Variants in BTD observed in about 807,000 individuals in gnomAD.
BTD encodes biotinidase.
BTD carries 13 observed loss-of-function variants against 17.7 expected under a neutral mutation model. The ratio of observed to expected loss-of-function variants is 0.74; its 90% CI spans 0.48 to 1.17. The LOEUF is 1.17. Ranked by LOEUF, BTD falls within the 50% of genes most tolerant of loss-of-function variation. The pLI is 0.00. For missense variants in BTD, 674 were observed against 650.4 expected (o/e 1.04, Z -0.39); for synonymous variants, 240 against 245.2 (o/e 0.98, Z 0.20).
chr3:15,624,878 G>A (rs959120918), intron 1 of BTD, among the ~76,000 whole-genome samples: 2 of 152,048 alleles, frequency 1.3e-5, no homozygotes, highest in African/African-American at 2.4e-5. Context: ...GACTATAGGC[G>A]TGTGCCACCA....
intron 3 of BTD, among the ~76,000 whole-genome samples, chr3:15,662,190 A>G (rs2125542146): frequency 6.6e-6 from 1 of 152,360 alleles, no homozygotes; most frequent in East Asian, 1.9e-4. Context: ...TTGAGATTGC[A>G]CTGAATCTAT....
downstream of BTD, among the ~76,000 whole-genome samples, chr3:15,714,398 A>C (rs2072728952): frequency 6.6e-6 from 1 of 152,076 alleles, no homozygotes; most frequent in South Asian, 2.1e-4. Context: ...AGTATGAAAG[A>C]TACAGCTACG....
chr3:15,611,709 C>A (rs1166565304), intron 1 of BTD, among the ~76,000 whole-genome samples: 1 of 151,022 alleles, frequency 6.6e-6, no homozygotes, highest in Non-Finnish European at 1.5e-5. Flanking sequence ...ATCCAGGAGG[C>A]AGAGGTTGCA....
rs149879076 is a variant in BTD, at chr3:15,698,578, G to C, written c.400-11482G>C. 4.2e-3 allele frequency among the ~76,000 whole-genome samples: 644 copies of C among 152,114 alleles called. 4 individuals are homozygous for C. The highest frequency in any genetic ancestry group is 0.019 in the East Asian group (98 of 5,180). On this transcript the variant is annotated intron_variant, in intron 3 of 3. Coordinates refer to the BTD transcript ENST00000672141. ...AAAATCAATGTGCGAAAATCACAAA[G>C]ATTCCCATACACCAATAACAGACAA... is the stretch of plus-strand genomic sequence containing the variant.
intron 3 of BTD, chr3:15,679,551 C>T: frequency 6.2e-7 from 1 of 1,611,636 alleles, no homozygotes; most frequent in Non-Finnish European, 8.5e-7. Flanking sequence ...CAGTTCTACA[C>T]ATGTCTCGTG....
intron 3 of BTD, chr3:15,694,688 T>C (rs2069281255): frequency 6.7e-7 from 1 of 1,498,964 alleles, no homozygotes; most frequent in South Asian, 1.1e-5. Context: ...GGTTATTAGA[T>C]ATTTTCAGTA....
chr3:15,679,565 T>C, intron 3 of BTD: 1 of 1,604,524 alleles, frequency 6.2e-7, no homozygotes, highest in Non-Finnish European at 8.5e-7. Context: ...TCTCGTGACC[T>C]AAATAGGTGT....
At chr3:15,702,922 TA>T (rs1176361652) in intron 3 of BTD, among the ~76,000 whole-genome samples, 2 of 151,882 alleles carry the variant, frequency 1.3e-5, no homozygotes, top group African/African-American at 4.8e-5. Context: ...AATTCATATA[TA>T]CTAAACCATT....
At chr3:15,631,439 T>C (rs1214570882) in intron 1 of BTD, 12 of 1,534,392 alleles carry the variant, frequency 7.8e-6, no homozygotes, top group Non-Finnish European at 1.0e-5. Context: ...GACACTATTG[T>C]AATAGCATGG....
intron 3 of BTD, among the ~76,000 whole-genome samples, chr3:15,661,559 A>C (rs1244689925): frequency 6.6e-6 from 1 of 152,094 alleles, no homozygotes; most frequent in African/African-American, 2.4e-5. Flanking sequence ...ATAGTTCTTT[A>C]TCCGTCTTTT....
In BTD at chr3:15,601,892, C is replaced by G; in HGVS notation, c.-19C>G. 6.2e-7 allele frequency: 1 copy of G among 1,613,886 alleles called. No individual in the cohort carries two copies. The highest frequency in any genetic ancestry group is 8.5e-7 in the Non-Finnish European group (1 of 1,180,022). On this transcript the variant is annotated splice_region_variant and 5_prime_UTR_variant, in exon 1 of 4. Transcript: ENST00000643237. ...TTCAGGGCGGAAGGCGCGCTAAGAG[C>G]AGGTACGGAGGGGGCGTGGTGCGGC...
chr3:15,666,201 G>A (rs903096999), intron 3 of BTD, among the ~76,000 whole-genome samples: 1 of 152,092 alleles, frequency 6.6e-6, no homozygotes, highest in African/African-American at 2.4e-5. Flanking sequence ...AAATAATCTA[G>A]GAGAATAAAA....
chr3:15,636,043 G>C (rs2280771), intron 2 of BTD, among the ~76,000 whole-genome samples: 37,049 of 151,768 alleles, frequency 0.24, 7,301 homozygotes, highest in African/African-American at 0.52. Flanking sequence ...TAAGAATCAC[G>C]AGGTAAGTGG....
intron 3 of BTD, chr3:15,694,634 C>T: frequency 1.2e-6 from 1 of 856,648 alleles, no homozygotes; most frequent in East Asian, 2.6e-5. Context: ...ATAACTATTA[C>T]ATGGACCAAA....
intron 1 of BTD, among the ~76,000 whole-genome samples, chr3:15,605,668 A>G (rs1341020198): frequency 1.3e-5 from 2 of 152,194 alleles, no homozygotes; most frequent in Admixed American, 1.3e-4. Flanking sequence ...AGTTATATAT[A>G]TATATATCTA....
At chr3:15,694,313 A>C (rs542736200) in intron 3 of BTD, among the ~76,000 whole-genome samples, 85 of 152,282 alleles carry the variant, frequency 5.6e-4, no homozygotes, top group Middle Eastern at 3.4e-3. Flanking sequence ...AACACACAAC[A>C]AGTTAGCACC....
At chr3:15,672,035 T>C (rs1486563207) in intron 3 of BTD, among the ~76,000 whole-genome samples, 2 of 152,224 alleles carry the variant, frequency 1.3e-5, no homozygotes. Flanking sequence ...CAGTATTTCA[T>C]TGTGTGATTA....
At chr3:15,601,689 T>C, upstream of BTD, 1 of 1,556,660 alleles carries the variant, frequency 6.4e-7, no homozygotes, top group Non-Finnish European at 8.7e-7. Flanking sequence ...AGAACTGCGC[T>C]CTCTTCTCGG....
intron 3 of BTD, among the ~76,000 whole-genome samples, chr3:15,698,453 T>C (rs766099299): frequency 1.0e-3 from 156 of 152,290 alleles, no homozygotes; most frequent in Non-Finnish European, 1.9e-3. Flanking sequence ...TCAAATTGTC[T>C]CTGTTTGCAG....
Sources: gnomAD v4.1 joint callset for allele counts (sites outside exome capture counted in the v4.1 genomes callset) on GRCh38, gnomAD v4.1.1 for gene constraint, MANE v1.5 for transcripts, NCBI Gene and HGNC (gene_info 2026-07-23, HGNC 2026-07-21) for gene names.